Variants in HLCS observed in about 807,000 individuals in gnomAD.
HLCS encodes the protein holocarboxylase synthetase.
In HLCS, 53 loss-of-function variants were observed where a neutral mutation model predicts 75.0. The observed-to-expected ratio is 0.71, with a 90% CI of 0.57 to 0.89. HLCS has a LOEUF of 0.89. Ranked by LOEUF, HLCS falls within the 40% of genes least tolerant of loss-of-function variation. HLCS has a pLI of 0.00. For synonymous variants in HLCS, 431 were observed against 428.6 expected (o/e 1.01, Z -0.07); for missense variants, 966 against 1,074.0 (o/e 0.90, Z 1.41).
intron 6 of HLCS, among the ~76,000 whole-genome samples, chr21:36,801,439 T>A (rs1191122881): frequency 6.6e-6 from 1 of 152,234 alleles, no homozygotes; most frequent in Non-Finnish European, 1.5e-5. Flanking sequence ...AACACAGGCA[T>A]CTGTCTCATA....
rs751886058 is a variant in HLCS, at chr21:36,751,301, GCTTT to G, written c.*2941_*2944del. The G allele has an allele frequency of 6.6e-6, 1 of 152,634 alleles. No homozygotes were observed. The highest frequency in any genetic ancestry group is 1.5e-5 in the Non-Finnish European group (1 of 68,032). The allele number at this position is 152,634 out of a possible 1,614,324, so 9.5% of individuals were successfully genotyped here. On this transcript the variant is annotated 3_prime_UTR_variant, in exon 11 of 11. Coordinates refer to ENST00000674895, the MANE Select transcript of HLCS (RefSeq NM_001352514.2). ...AGAAGTTAAAATTGCAGAGGCTTAC[GCTTT>G]CTTTTATTTCAAATATGCATAGTGA... is the stretch of plus-strand genomic sequence containing the variant.
intron 6 of HLCS, among the ~76,000 whole-genome samples, chr21:36,891,205 G>A (rs2064770132): frequency 6.6e-6 from 1 of 152,174 alleles, no homozygotes; most frequent in South Asian, 2.1e-4. Flanking sequence ...GCTCAAGTAA[G>A]AACATAAACA....
At chr21:36,836,554 A>T (rs1047518143) in intron 6 of HLCS, among the ~76,000 whole-genome samples, 2 of 149,388 alleles carry the variant, frequency 1.3e-5, no homozygotes, top group Non-Finnish European at 3.0e-5. Flanking sequence ...AGCAAAAGAA[A>T]CTACCATCAG....
chr21:36,843,739 A>G (rs982448625), intron 6 of HLCS, among the ~76,000 whole-genome samples: 115 of 152,144 alleles, frequency 7.6e-4, no homozygotes, highest in African/African-American at 2.7e-3. Flanking sequence ...GCAGTGGCTC[A>G]TGCCTGTAAT....
chr21:36,915,939 A>T (rs1346202410), intron 5 of HLCS, among the ~76,000 whole-genome samples: 1 of 152,126 alleles, frequency 6.6e-6, no homozygotes, highest in Non-Finnish European at 1.5e-5. Context: ...CTCCCAATCC[A>T]TTAGGGGGAA....
intron 6 of HLCS, among the ~76,000 whole-genome samples, chr21:36,768,367 C>T (rs1420646879): frequency 1.3e-5 from 2 of 152,226 alleles, no homozygotes; most frequent in South Asian, 2.1e-4. Context: ...AGAAAGACCA[C>T]GCTGAGAAGC....
At chr21:36,975,801 G>C (rs1347568089) in intron 1 of HLCS, among the ~76,000 whole-genome samples, 3 of 151,922 alleles carry the variant, frequency 2.0e-5, no homozygotes, top group Non-Finnish European at 4.4e-5. Context: ...CCTTCCATTG[G>C]ACCCACCTAA....
chr21:36,953,885 T>C (rs2067790851), intron 2 of HLCS, among the ~76,000 whole-genome samples: 1 of 152,192 alleles, frequency 6.6e-6, no homozygotes, highest in Admixed American at 6.5e-5. Flanking sequence ...TGGCTGTCCC[T>C]CATAAGATTA....
chr21:36,869,052 C>CTT (rs11384058), intron 6 of HLCS, among the ~76,000 whole-genome samples: 21 of 151,834 alleles, frequency 1.4e-4, no homozygotes, highest in African/African-American at 4.4e-4. Context: ...ACAACTGCAA[C>CTT]TTTTTTTCAA....
chr21:36,820,359 GCC>G (rs1569056530), intron 6 of HLCS, among the ~76,000 whole-genome samples: 4 of 152,054 alleles, frequency 2.6e-5, no homozygotes, highest in African/African-American at 9.7e-5. Context: ...AGCTGCTGCT[GCC>G]CAGCCACGGC....
intron 6 of HLCS, among the ~76,000 whole-genome samples, chr21:36,793,460 C>A (rs2060934033): frequency 1.3e-5 from 2 of 152,002 alleles, no homozygotes; most frequent in Admixed American, 6.6e-5. Flanking sequence ...CACCACCATG[C>A]CCAAATAATT....
intron 6 of HLCS, among the ~76,000 whole-genome samples, chr21:36,889,349 C>T (rs377309614): frequency 2.0e-4 from 31 of 152,198 alleles, no homozygotes; most frequent in African/African-American, 7.0e-4. Flanking sequence ...TGCGGTTTCA[C>T]GTCATTTCAC....
chr21:36,896,493 A>T, intron 6 of HLCS: 1 of 303,026 alleles, frequency 3.3e-6, no homozygotes, highest in South Asian at 3.8e-5. Context: ...AACATCCTGT[A>T]TTAAATGTCT....
At chr21:36,825,952 A>G (rs900899037) in intron 6 of HLCS, among the ~76,000 whole-genome samples, 1 of 152,228 alleles carries the variant, frequency 6.6e-6, no homozygotes, top group African/African-American at 2.4e-5. Context: ...CTCTCTCCCA[A>G]CAACCAAGGA....
At chr21:36,954,502 G>C (rs1453212762) in intron 2 of HLCS, among the ~76,000 whole-genome samples, 1 of 151,606 alleles carries the variant, frequency 6.6e-6, no homozygotes, top group Non-Finnish European at 1.5e-5. Context: ...TGTAGTCCCA[G>C]CTACTTGGGA....
At chr21:36,959,394 G>A (rs1340973542) in intron 2 of HLCS, among the ~76,000 whole-genome samples, 1 of 152,210 alleles carries the variant, frequency 6.6e-6, no homozygotes, top group African/African-American at 2.4e-5. Flanking sequence ...AGGACGGCTG[G>A]TTGCAGGCCT....
intron 6 of HLCS, among the ~76,000 whole-genome samples, chr21:36,868,292 A>G (rs2063641442): frequency 6.6e-6 from 1 of 151,566 alleles, no homozygotes; most frequent in Non-Finnish European, 1.5e-5. Flanking sequence ...AGAAAGAAAG[A>G]AAAAGAAAAA....
intron 6 of HLCS, among the ~76,000 whole-genome samples, chr21:36,778,294 T>A (rs868055683): frequency 4.0e-5 from 6 of 150,890 alleles, no homozygotes; most frequent in Non-Finnish European, 7.4e-5. Flanking sequence ...TATTATTATT[T>A]TTTGAGACAG....
chr21:36,900,421 G>C (rs1025878585), intron 5 of HLCS, among the ~76,000 whole-genome samples: 1 of 152,196 alleles, frequency 6.6e-6, no homozygotes, highest in African/African-American at 2.4e-5. Flanking sequence ...CATTTGAGCA[G>C]AGTGAGCCTG....
Sources: allele counts gnomAD v4.1 joint callset (sites outside exome capture counted in the v4.1 genomes callset), GRCh38; gene constraint gnomAD v4.1.1; transcripts MANE v1.5; gene names NCBI Gene and HGNC (gene_info 2026-07-23, HGNC 2026-07-21).